FBXL2: variants seen among roughly 807,000 people sequenced by gnomAD.
FBXL2 encodes the protein F-box/LRR-repeat protein 2.
FBXL2 carries 38 observed loss-of-function variants against 69.2 expected under a neutral mutation model. The ratio of observed to expected loss-of-function variants is 0.55; its 90% CI spans 0.42 to 0.72. The LOEUF (loss-of-function observed/expected upper bound fraction) is 0.72, where lower values mean the gene tolerates loss of function less well. Among genes scored for constraint, FBXL2 ranks in the 30% least tolerant of loss-of-function variants. The pLI is 0.00. For synonymous variants in FBXL2, 192 were observed against 201.3 expected (o/e 0.95, Z 0.39); for missense variants, 354 against 520.3 (o/e 0.68, Z 3.11).
At position 33,297,698 on chromosome 3, in the gene FBXL2, A is replaced by G; in HGVS notation, c.38A>G (p.Lys13Arg). 1 of 1,582,926 alleles carries G rather than the reference A, an allele frequency of 6.3e-7. No homozygotes were observed. The highest frequency in any genetic ancestry group is 8.6e-7 in the Non-Finnish European group (1 of 1,161,068). Residue 13 changes from lysine to arginine, a missense_variant, in exon 2 of 15, where the codon AAA (lysine) becomes AGA (arginine). Transcript: ENST00000484457. ...FSNNDEGLIN[K>R]KLPKELLLRI... ...AACAATGATGAAGGCCTTATTAACA[A>G]AAAGTTACCCAAAGAACTTCTGTTA...
chr3:33,373,991 C>T, intron 9 of FBXL2, 70 bp downstream of exon 9: 1 of 1,427,474 alleles, frequency 7.0e-7, no homozygotes, highest in African/African-American at 1.4e-5. Flanking sequence ...CCTCAGGCCT[C>T]CCTGCAGCCC....
At chr3:33,395,649 C>T (rs1202641418) in intron 12 of FBXL2, among the ~76,000 whole-genome samples, 1 of 146,522 alleles carries the variant, frequency 6.8e-6, no homozygotes, top group Non-Finnish European at 1.5e-5. Context: ...TGGCCGAACA[C>T]TTGTCAGTGA....
the FBXL2 span, chr3:33,414,318 A>G: frequency 1.3e-5 from 2 of 152,170 alleles, no homozygotes; most frequent in Non-Finnish European, 2.9e-5. Flanking sequence ...GGAACTTCTT[A>G]TATGAAACAG....
At chr3:33,359,107 T>G in intron 3 of FBXL2, 86 bp downstream of exon 3, 2 of 954,182 alleles carry the variant, frequency 2.1e-6, no homozygotes, top group Non-Finnish European at 3.0e-6. Context: ...AATTAAAATT[T>G]TATTATCTTT....
At position 33,361,911 on chromosome 3, in the gene FBXL2, G is replaced by A. The variant is rs371852450; in HGVS notation, c.195+2554G>A. 5.4e-4 allele frequency among the ~76,000 whole-genome samples: 82 copies of A among 152,302 alleles called. 1 individual carries two copies. Among genetic ancestry groups the A allele is most frequent in the African/African-American group, 1.9e-3 (78 of 41,568 alleles). ...TCTTAAAAATATGCACTTTGGGAAG[G>A]AAATGGTAACTTTTGGATATGGTTG... On this transcript the variant is annotated intron_variant, in intron 4 of 14. Transcript: ENST00000484457.
intron 12 of FBXL2, 87 bp downstream of exon 12, chr3:33,378,234 T>C (rs1390066810): frequency 7.5e-7 from 1 of 1,328,524 alleles, no homozygotes; most frequent in African/African-American, 1.4e-5. Context: ...ACTGACTCGC[T>C]ATCATCCTGA....
chr3:33,329,467 C>T (rs2038982391), intron 2 of FBXL2, among the ~76,000 whole-genome samples: 1 of 151,494 alleles, frequency 6.6e-6, no homozygotes, highest in South Asian at 2.1e-4. Flanking sequence ...ATTTACACTC[C>T]AATGTGTATT....
At chr3:33,279,714 T>A (rs988517566) in intron 1 of FBXL2, among the ~76,000 whole-genome samples, 3 of 152,220 alleles carry the variant, frequency 2.0e-5, no homozygotes, top group African/African-American at 7.2e-5. Flanking sequence ...ATTTCTACTC[T>A]ATAATAATAA....
intron 1 of FBXL2, among the ~76,000 whole-genome samples, chr3:33,296,826 C>T (rs1210585725): frequency 2.6e-5 from 4 of 152,064 alleles, no homozygotes; most frequent in Non-Finnish European, 5.9e-5. Context: ...TGGAAGTTTG[C>T]GTCCTTCAAC....
At chr3:33,330,964 A>G (rs1349508673) in intron 2 of FBXL2, among the ~76,000 whole-genome samples, 1 of 150,982 alleles carries the variant, frequency 6.6e-6, no homozygotes, top group Non-Finnish European at 1.5e-5. Context: ...TATATATTAT[A>G]AAATATTCTA....
At chr3:33,301,698 C>T (rs775655990) in intron 2 of FBXL2, among the ~76,000 whole-genome samples, 1 of 152,190 alleles carries the variant, frequency 6.6e-6, no homozygotes, top group Admixed American at 6.5e-5. Context: ...ACCCTTTGCT[C>T]TCACATAGCC....
At chr3:33,399,316 C>G (rs778739232) in intron 12 of FBXL2, among the ~76,000 whole-genome samples, 1 of 152,208 alleles carries the variant, frequency 6.6e-6, no homozygotes, top group African/African-American at 2.4e-5. Flanking sequence ...TACTGTCCCT[C>G]TAAACAGGTT....
chr3:33,367,959 A>G (rs570319847), intron 5 of FBXL2, among the ~76,000 whole-genome samples: 4 of 152,320 alleles, frequency 2.6e-5, no homozygotes, highest in African/African-American at 9.6e-5. Context: ...GATTTCTTCC[A>G]TGACCCATGG....
chr3:33,303,974 C>G (rs1445494629), intron 2 of FBXL2, among the ~76,000 whole-genome samples: 4 of 151,514 alleles, frequency 2.6e-5, no homozygotes, highest in Admixed American at 6.6e-5. Flanking sequence ...ATACGAGATA[C>G]TTTAGGTGGG....
chr3:33,312,510 G>T (rs2037303203), intron 2 of FBXL2, among the ~76,000 whole-genome samples: 1 of 152,148 alleles, frequency 6.6e-6, no homozygotes, highest in African/African-American at 2.4e-5. Flanking sequence ...AAGAAGTAGG[G>T]ACTTACTTTG....
At chr3:33,286,702 G>T (rs557964713) in intron 1 of FBXL2, among the ~76,000 whole-genome samples, 1 of 152,196 alleles carries the variant, frequency 6.6e-6, no homozygotes, top group African/African-American at 2.4e-5. Flanking sequence ...CGAGCTTCCC[G>T]GCTGCTTTGT....
intron 2 of FBXL2, among the ~76,000 whole-genome samples, chr3:33,332,674 T>C (rs2039261892): frequency 6.6e-6 from 1 of 152,240 alleles, no homozygotes; most frequent in African/African-American, 2.4e-5. Flanking sequence ...TAGTATGGCC[T>C]ACTGTGCATG....
At chr3:33,396,370 T>C (rs1016504978) in intron 12 of FBXL2, 4 of 961,084 alleles carry the variant, frequency 4.2e-6, no homozygotes, top group Non-Finnish European at 6.2e-6. Context: ...CTAAGTTCTA[T>C]TTCCTTATGA....
the FBXL2 span, among the ~76,000 whole-genome samples, chr3:33,417,329 C>T: frequency 1.3e-5 from 2 of 151,734 alleles, no homozygotes; most frequent in African/African-American, 4.8e-5. Flanking sequence ...ATCACCAATC[C>T]ACTTTCTGCC....
Sources: allele counts gnomAD v4.1 joint callset (sites outside exome capture counted in the v4.1 genomes callset), GRCh38; gene constraint gnomAD v4.1.1; transcripts MANE v1.5; gene names NCBI Gene and HGNC (gene_info 2026-07-23, HGNC 2026-07-21).